The following ANO2 variants were observed in gnomAD, a reference collection of about 807,000 sequenced individuals.
ANO2 encodes the protein anoctamin-2.
In ANO2, 101 loss-of-function variants were observed where a neutral mutation model predicts 124.2. That is an observed-to-expected ratio of 0.81 (90% CI 0.69 to 0.96). The LOEUF (loss-of-function observed/expected upper bound fraction) is 0.96, where lower values mean the gene tolerates loss of function less well. Ranked by LOEUF, ANO2 falls within the 40% of genes least tolerant of loss-of-function variation. The pLI is 0.00. For synonymous variants in ANO2, 486 were observed against 482.5 expected (o/e 1.01, Z -0.09); for missense variants, 1,293 against 1,274.5 (o/e 1.01, Z -0.22).
chr12:5,760,754 G>A (rs1254954592), intron 10 of ANO2, among the ~76,000 whole-genome samples: 1 of 151,728 alleles, frequency 6.6e-6, no homozygotes. Context: ...TCAAAATCTG[G>A]TCCCATCCCC....
chr12:5,938,135 ACCT>A (rs996169646), intron 1 of ANO2, among the ~76,000 whole-genome samples: 2 of 152,116 alleles, frequency 1.3e-5, no homozygotes, highest in African/African-American at 4.8e-5. Flanking sequence ...CCCTCTGGGC[ACCT>A]CCTTTCACAC....
intron 4 of ANO2, among the ~76,000 whole-genome samples, chr12:5,841,619 T>C (rs1050488653): frequency 1.3e-5 from 2 of 152,156 alleles, no homozygotes; most frequent in Non-Finnish European, 2.9e-5. Flanking sequence ...GCTCCCACCC[T>C]GGCTCCCCTT....
intron 4 of ANO2, among the ~76,000 whole-genome samples, chr12:5,851,305 A>C (rs1382822573): frequency 6.6e-6 from 1 of 152,192 alleles, no homozygotes; most frequent in Non-Finnish European, 1.5e-5. Flanking sequence ...TGAAAAGATA[A>C]AGGAGATACC....
At chr12:5,670,104 T>C (rs551215325) in intron 14 of ANO2, among the ~76,000 whole-genome samples, 136 of 152,292 alleles carry the variant, frequency 8.9e-4, no homozygotes, top group African/African-American at 3.2e-3. Context: ...ACGTGTGGGA[T>C]TTGGAAACCA....
At chr12:5,576,159 G>A in intron 22 of ANO2, 144 bp from the exon 23 acceptor site, 1 of 781,928 alleles carries the variant, frequency 1.3e-6, no homozygotes. Context: ...TCATGCAGCT[G>A]AGTCACATGC....
chr12:5,732,897 T>G (rs1950703205), intron 13 of ANO2: 1 of 1,613,804 alleles, frequency 6.2e-7, no homozygotes, highest in African/African-American at 1.3e-5. Flanking sequence ...GCGCCGGTGT[T>G]GAGAAAAAGA....
At chr12:5,571,675 T>TCTC (rs1021828870) in intron 23 of ANO2, among the ~76,000 whole-genome samples, 6 of 152,072 alleles carry the variant, frequency 3.9e-5, no homozygotes, top group Non-Finnish European at 1.5e-5. Flanking sequence ...CATAGTCCCT[T>TCTC]CTCCTCCTCC....
At position 5,787,481 on chromosome 12, in the gene ANO2, T is replaced by C. The variant is rs1043475493; in HGVS notation, c.1055+12026A>G. On this transcript the variant is annotated intron_variant, in intron 10 of 24. Transcript: ENST00000682330. This position sits in a 1 kb window ranked among gnomAD's most constrained non-coding sequence, Gnocchi z 4.2. Reference sequence around the variant, plus strand: ...GAGAAGCCAGACTCAGGAGTTCAGATCCTACCTCTCTCACCAACCTTGTGA... The same window carrying C: ...GAGAAGCCAGACTCAGGAGTTCAGACCCTACCTCTCTCACCAACCTTGTGA... 6.6e-6 allele frequency among the ~76,000 whole-genome samples: 1 copy of C among 152,146 alleles called. No homozygotes were observed. The highest frequency in any genetic ancestry group is 2.4e-5 in the African/African-American group (1 of 41,438).
chr12:5,881,623 G>C (rs1938508945), intron 3 of ANO2, among the ~76,000 whole-genome samples: 1 of 152,188 alleles, frequency 6.6e-6, no homozygotes, highest in Non-Finnish European at 1.5e-5. Context: ...CAAGGTTTTT[G>C]ACTAGGTGAG....
chr12:5,938,032 G>A (rs1471052598), intron 1 of ANO2, among the ~76,000 whole-genome samples: 1 of 152,158 alleles, frequency 6.6e-6, no homozygotes, highest in Non-Finnish European at 1.5e-5. Context: ...TCTCAATGCT[G>A]CAGCAGCTTC....
At chr12:5,647,281 A>C (rs1437663440) in intron 15 of ANO2, among the ~76,000 whole-genome samples, 3 of 152,226 alleles carry the variant, frequency 2.0e-5, no homozygotes, top group Admixed American at 1.3e-4. Flanking sequence ...GTCTTGCAGA[A>C]GGGCTGTACC....
chr12:5,735,583 G>A (rs1950826015), intron 13 of ANO2, among the ~76,000 whole-genome samples: 1 of 152,204 alleles, frequency 6.6e-6, no homozygotes, highest in South Asian at 2.1e-4. Context: ...ATGAGGATAA[G>A]AATAGCAGAA....
At chr12:5,724,378 C>T (rs1159615698) in intron 14 of ANO2, among the ~76,000 whole-genome samples, 1 of 152,144 alleles carries the variant, frequency 6.6e-6, no homozygotes, top group Non-Finnish European at 1.5e-5. Flanking sequence ...ACTCAAAGAA[C>T]TGATAAACCA....
intron 19 of ANO2, among the ~76,000 whole-genome samples, chr12:5,611,169 C>T (rs1456547292): frequency 6.6e-6 from 1 of 151,840 alleles, no homozygotes; most frequent in Non-Finnish European, 1.5e-5. Flanking sequence ...TGGGGTGTCA[C>T]CATATTGGCC....
At chr12:5,836,163 T>C (rs541779903) in intron 4 of ANO2, among the ~76,000 whole-genome samples, 15 of 152,338 alleles carry the variant, frequency 9.8e-5, no homozygotes, top group African/African-American at 2.9e-4. Context: ...CAACAATAAC[T>C]GGTCTATAAC....
intron 14 of ANO2, among the ~76,000 whole-genome samples, chr12:5,655,988 G>A (rs891067292): frequency 5.3e-5 from 8 of 152,210 alleles, no homozygotes; most frequent in South Asian, 2.1e-4. Flanking sequence ...GCAGCAAGGC[G>A]TCCATTAGAA....
intron 14 of ANO2, among the ~76,000 whole-genome samples, chr12:5,684,393 G>A (rs146781323): frequency 2.0e-5 from 3 of 152,326 alleles, no homozygotes; most frequent in East Asian, 1.9e-4. Flanking sequence ...TGGAGAAGTC[G>A]ATCATGCAGT....
intron 14 of ANO2, among the ~76,000 whole-genome samples, chr12:5,708,220 A>C (rs759522853): frequency 1.2e-4 from 18 of 152,166 alleles, no homozygotes; most frequent in Non-Finnish European, 2.4e-4. Flanking sequence ...CCTAGAAGAC[A>C]CTGTCATCAT....
intron 3 of ANO2, among the ~76,000 whole-genome samples, chr12:5,885,017 CT>C (rs1425714556): frequency 3.9e-5 from 6 of 152,230 alleles, no homozygotes; most frequent in African/African-American, 1.4e-4. Context: ...ACTATTTCAT[CT>C]CCCTGTGGTC....
Sources: allele counts gnomAD v4.1 joint callset (sites outside exome capture counted in the v4.1 genomes callset), GRCh38; gene constraint gnomAD v4.1.1; non-coding constraint Gnocchi (gnomAD v3.1); transcripts MANE v1.5; gene names NCBI Gene and HGNC (gene_info 2026-07-23, HGNC 2026-07-21).